The following GOT2 variants were observed in gnomAD, a reference collection of about 807,000 sequenced individuals.
GOT2 encodes glutamic-oxaloacetic transaminase 2, also known as aspartate aminotransferase, mitochondrial.
In GOT2, 17 loss-of-function variants were observed where a neutral mutation model predicts 50.0. The observed-to-expected ratio is 0.34, with a 90% CI of 0.23 to 0.51. GOT2 has a LOEUF of 0.51. Among genes scored for constraint, GOT2 ranks in the 20% least tolerant of loss-of-function variants. The pLI, the probability that GOT2 is intolerant of heterozygous loss-of-function variation, is 0.97. For missense variants in GOT2, 430 were observed against 559.6 expected, an observed-to-expected ratio of 0.77 and a Z score of 2.34; for synonymous variants, 172 against 204.9, an observed-to-expected ratio of 0.84 and a Z score of 1.37.
At chr16:58,710,965 C>T (rs2044642576) in intron 8 of GOT2, among the ~76,000 whole-genome samples, 2 of 65,468 alleles carry the variant, frequency 3.1e-5, no homozygotes, top group African/African-American at 6.0e-5. Flanking sequence ...AAGACTCTGT[C>T]TCAAAAAAAA....
intron 8 of GOT2, among the ~76,000 whole-genome samples, chr16:58,714,751 G>A (rs2044678465): frequency 6.6e-6 from 1 of 151,940 alleles, no homozygotes; most frequent in Non-Finnish European, 1.5e-5. Flanking sequence ...CTCGAGTAAA[G>A]CACATGAAGC....
At position 58,708,227 on chromosome 16, in the gene GOT2, C is replaced by A. The variant is rs1202422226; in HGVS notation, c.1237G>T (p.Val413Phe). The A allele has an allele frequency of 1.2e-6, 2 of 1,614,078 alleles. No homozygotes were observed. The highest frequency in any genetic ancestry group is 1.7e-6 in the Non-Finnish European group (2 of 1,179,946). ...AGGTAGCCCACGTTGCTGGAGGTGA[C>A]CCCTGCCACAGAGATGCGGCCATCT... ...TKDGRISVAG[V>F]TSSNVGYLAH... Residue 413 changes from valine to phenylalanine, a missense_variant, in exon 10 of 10, where the codon GTC becomes TTC. Physicochemically the swap from Val to Phe is conservative, Grantham distance 50. Transcript: ENST00000245206.
At chr16:58,708,384 T>A in intron 9 of GOT2, 91 bp from the exon 10 acceptor site, 1 of 1,249,734 alleles carries the variant, frequency 8.0e-7, no homozygotes, top group Non-Finnish European at 1.1e-6. Flanking sequence ...ACCAACGCTC[T>A]ATTTCCTCGC....
chr16:58,716,581 CACA>C (rs1221706046), intron 7 of GOT2, 79 bp downstream of exon 7: 5 of 1,199,420 alleles, frequency 4.2e-6, no homozygotes, highest in Non-Finnish European at 2.4e-6. Flanking sequence ...CACACACACA[CACA>C]CACACCCACA....
intron 3 of GOT2, among the ~76,000 whole-genome samples, chr16:58,720,150 T>C (rs2044729749): frequency 6.6e-6 from 1 of 152,200 alleles, no homozygotes; most frequent in African/African-American, 2.4e-5. Flanking sequence ...TGCGTTGAGC[T>C]GAGATCGTGC....
chr16:58,714,337 T>G (rs2044673004), intron 8 of GOT2, among the ~76,000 whole-genome samples: 1 of 152,020 alleles, frequency 6.6e-6, no homozygotes, highest in Non-Finnish European at 1.5e-5. Flanking sequence ...GTTCACTTGA[T>G]GCCAGGAGTT....
Position 58,718,245 on chromosome 16 carries a change from C to A in GOT2, c.653G>T (p.Gly218Val), listed in dbSNP as rs762157358. The change falls in exon 6 of 10, where the codon GGA (glycine) becomes GTA (valine). Residue 218 changes from glycine to valine, a missense_variant. Transcript: ENST00000245206. ...CCACTGTTCCGGACGCGGGTCCACT[C>A]CCGTGGGATTGTGGGCGCAGGCATG... ...LLHACAHNPT[G>V]VDPRPEQWKE... The A allele has an allele frequency of 6.2e-6, 10 of 1,614,102 alleles. No homozygotes were observed. Among genetic ancestry groups the A allele is most frequent in the Non-Finnish European group, 8.5e-6 (10 of 1,179,948 alleles).
Position 58,722,214 on chromosome 16 carries a change from T to G in GOT2, c.311A>C (p.Glu104Ala). 6.2e-7 allele frequency: 1 copy of G among 1,612,838 alleles called. No individual in the cohort carries two copies. Among genetic ancestry groups the G allele is most frequent in the Non-Finnish European group, 8.5e-7 (1 of 1,179,986 alleles). ...TAGTTCTGCAGATGCCTTGCAAAAT[T>G]CAGCCAGTCCCCCAATGGGCAGGTA... ...KEYLPIGGLA[E>A]FCKASAELAL... Residue 104 changes from glutamate to alanine, a missense_variant, in exon 3 of 10, where the codon GAA (glutamate) becomes GCA (alanine). Coordinates refer to ENST00000245206, the MANE Select transcript of GOT2 (RefSeq NM_002080.4).
intron 8 of GOT2, 98 bp from the exon 9 acceptor site, chr16:58,709,665 G>T: frequency 2.1e-6 from 2 of 964,352 alleles, no homozygotes; most frequent in South Asian, 1.9e-5. Context: ...GTCCCCTAGT[G>T]TGCCTCAATT....
chr16:58,714,363 C>CA (rs2044673312), intron 8 of GOT2, among the ~76,000 whole-genome samples: 1 of 151,990 alleles, frequency 6.6e-6, no homozygotes, highest in Non-Finnish European at 1.5e-5. Context: ...ACAGCCTGGC[C>CA]AACATGGCGA....
At chr16:58,725,422 C>T (rs1326873730) in intron 1 of GOT2, among the ~76,000 whole-genome samples, 1 of 152,050 alleles carries the variant, frequency 6.6e-6, no homozygotes, top group African/African-American at 2.4e-5. Flanking sequence ...GCCTTGAAGA[C>T]AATTTCTAAG....
At chr16:58,723,288 G>A (rs886171671) in intron 2 of GOT2, among the ~76,000 whole-genome samples, 6 of 152,302 alleles carry the variant, frequency 3.9e-5, no homozygotes, top group African/African-American at 1.4e-4. Flanking sequence ...AAAGAAAGAG[G>A]TGAAAATTGC....
chr16:58,715,863 A>G (rs2044688052), intron 8 of GOT2, 151 bp downstream of exon 8: 2 of 619,282 alleles, frequency 3.2e-6, no homozygotes, highest in Admixed American at 7.5e-5. Flanking sequence ...TAATTTTTTA[A>G]AAAAGGAATG....
chr16:58,719,146 C>T (rs1397538850), intron 4 of GOT2, 50 bp downstream of exon 4: 1 of 1,292,596 alleles, frequency 7.7e-7, no homozygotes, highest in African/African-American at 1.5e-5. Context: ...AACAGGAAGC[C>T]CTGTCATCTG....
intron 8 of GOT2, among the ~76,000 whole-genome samples, chr16:58,714,706 T>C (rs919315021): frequency 6.6e-6 from 1 of 151,708 alleles, no homozygotes; most frequent in Non-Finnish European, 1.5e-5. Flanking sequence ...GCAAGACTGT[T>C]TAAAAAAAAA....
chr16:58,709,788 C>A (rs548340186), intron 8 of GOT2, among the ~76,000 whole-genome samples: 41 of 152,210 alleles, frequency 2.7e-4, no homozygotes, highest in Non-Finnish European at 5.4e-4. Flanking sequence ...GCAGTTAACA[C>A]ACTTGAGTAG....
chr16:58,709,575 G>A lies in GOT2; in HGVS notation c.1020-8C>T, dbSNP rs374733936. ...ACTTTCACTTCTTGCAGCCTGTAAA[G>A]AAACCCTGAGATGCAGCTCATTCTG... On this transcript the variant is annotated splice_region_variant and splice_polypyrimidine_tract_variant and intron_variant, in intron 8 of 9. Transcript: ENST00000245206. 6.2e-7 allele frequency: 1 copy of A among 1,605,406 alleles called. No individual in the cohort carries two copies. Among genetic ancestry groups the A allele is most frequent in the South Asian group, 1.1e-5 (1 of 90,808 alleles).
At chr16:58,719,771 T>A (rs1167531525) in intron 3 of GOT2, among the ~76,000 whole-genome samples, 1 of 151,710 alleles carries the variant, frequency 6.6e-6, no homozygotes, top group African/African-American at 2.4e-5. Context: ...AATAAATAAA[T>A]AAAATAAAAA....
At chr16:58,732,914 G>A (rs1200243566) in intron 1 of GOT2, among the ~76,000 whole-genome samples, 2 of 152,210 alleles carry the variant, frequency 1.3e-5, no homozygotes, top group Admixed American at 1.3e-4. Flanking sequence ...AAGAGCACAC[G>A]TTGACAGTGG....
Sources: allele counts gnomAD v4.1 joint callset (sites outside exome capture counted in the v4.1 genomes callset), GRCh38; gene constraint gnomAD v4.1.1; transcripts MANE v1.5; gene names NCBI Gene and HGNC (gene_info 2026-07-23, HGNC 2026-07-21).